The following SUGCT variants were observed in gnomAD, a reference collection of about 807,000 sequenced individuals.
The protein encoded by SUGCT is succinyl-CoA:glutarate-CoA transferase.
A neutral mutation model predicts 55.0 loss-of-function variants in SUGCT; 41 were observed. The ratio of observed to expected loss-of-function variants is 0.74; its 90% CI spans 0.58 to 0.97. The LOEUF is 0.97. SUGCT is among the 50% of genes least tolerant of loss of function. SUGCT has a pLI of 0.00. For synonymous variants in SUGCT, 187 were observed against 200.4 expected, an observed-to-expected ratio of 0.93 and a Z score of 0.56; for missense variants, 568 against 547.8, an observed-to-expected ratio of 1.04 and a Z score of -0.37.
the SUGCT span, among the ~76,000 whole-genome samples, chr7:40,993,137 T>A: frequency 6.6e-6 from 1 of 152,178 alleles, no homozygotes; most frequent in Non-Finnish European, 1.5e-5. Context: ...CCCTGCCTCC[T>A]GGTCATATGG....
At chr7:40,291,971 C>G (rs967315320) in intron 8 of SUGCT, among the ~76,000 whole-genome samples, 1 of 152,088 alleles carries the variant, frequency 6.6e-6, no homozygotes, top group African/African-American at 2.4e-5. Context: ...TTGACATTAG[C>G]CCATGCGGAG....
At chr7:40,296,691 C>G (rs1326864082) in intron 8 of SUGCT, among the ~76,000 whole-genome samples, 1 of 150,820 alleles carries the variant, frequency 6.6e-6, no homozygotes, top group Non-Finnish European at 1.5e-5. Context: ...TAACTTCTCT[C>G]TCCATTTGGT....
rs543696697 is a variant in SUGCT at position 40,517,898 on chromosome 7, G to C, written c.1089+21512G>C. On this transcript the variant is annotated intron_variant, in intron 12 of 13. Coordinates refer to ENST00000335693, the MANE Select transcript of SUGCT (RefSeq NM_001193313.2). ...TGTATGAAAGAAGCCAGCCACAAAA[G>C]GATGCATATTATATAATTCCAATTA... Among the ~76,000 whole-genome samples, 30 of 152,156 alleles carry C rather than the reference G, an allele frequency of 2.0e-4. 1 individual carries two copies. In the South Asian group the frequency reaches 5.8e-3, roughly 29 times the overall value.
At chr7:40,893,781 C>T in the SUGCT span, among the ~76,000 whole-genome samples, 1 of 152,146 alleles carries the variant, frequency 6.6e-6, no homozygotes, top group Non-Finnish European at 1.5e-5. Flanking sequence ...CTACAAGAGG[C>T]TGGGCATGGT....
At chr7:41,000,472 CCTAA>C in the SUGCT span, among the ~76,000 whole-genome samples, 1 of 150,792 alleles carries the variant, frequency 6.6e-6, no homozygotes, top group Non-Finnish European at 1.5e-5. Flanking sequence ...TTAGACTCTG[CCTAA>C]CTTAGTTGTT....
intron 11 of SUGCT, among the ~76,000 whole-genome samples, chr7:40,460,563 A>G (rs986180180): frequency 2.6e-5 from 4 of 152,242 alleles, no homozygotes; most frequent in African/African-American, 9.6e-5. Context: ...GAACCTTATC[A>G]GAAGCTCTTT....
intron 9 of SUGCT, among the ~76,000 whole-genome samples, chr7:40,341,191 T>G (rs1413407079): frequency 1.3e-5 from 2 of 152,172 alleles, no homozygotes; most frequent in Non-Finnish European, 2.9e-5. Context: ...ATTAGTAAAC[T>G]CCAGAAATTG....
chr7:40,721,769 T>A (rs1786349507), intron 12 of SUGCT, among the ~76,000 whole-genome samples: 1 of 152,226 alleles, frequency 6.6e-6, no homozygotes, highest in Non-Finnish European at 1.5e-5. Flanking sequence ...TAGTTTGCAG[T>A]TGCTACAGTG....
intron 9 of SUGCT, among the ~76,000 whole-genome samples, chr7:40,350,521 G>T (rs1157570399): frequency 6.6e-6 from 1 of 150,546 alleles, no homozygotes; most frequent in Non-Finnish European, 1.5e-5. Context: ...AGTAGAGTCA[G>T]GGTTTCACCA....
intron 1 of SUGCT, among the ~76,000 whole-genome samples, chr7:40,171,862 T>A (rs1188955832): frequency 6.6e-6 from 1 of 152,192 alleles, no homozygotes; most frequent in Non-Finnish European, 1.5e-5. Context: ...TGTTATAGAG[T>A]CACGGAGAAG....
chr7:40,445,434 C>A (rs1056156221), intron 9 of SUGCT, among the ~76,000 whole-genome samples: 1 of 152,042 alleles, frequency 6.6e-6, no homozygotes, highest in South Asian at 2.1e-4. Context: ...TACACCCTCC[C>A]AAGACTAAAC....
chr7:40,924,858 T>C, the SUGCT span, among the ~76,000 whole-genome samples: 1 of 152,226 alleles, frequency 6.6e-6, no homozygotes, highest in Non-Finnish European at 1.5e-5. Context: ...ACTTTCTTCA[T>C]TCACAGATTG....
intron 6 of SUGCT, among the ~76,000 whole-genome samples, chr7:40,232,069 C>T (rs573078225): frequency 1.4e-4 from 21 of 152,304 alleles, no homozygotes; most frequent in Non-Finnish European, 2.5e-4. Flanking sequence ...CCACTACCCT[C>T]CAGCCTGGGT....
intron 7 of SUGCT, among the ~76,000 whole-genome samples, chr7:40,239,179 C>T (rs566664723): frequency 6.6e-6 from 1 of 152,176 alleles, no homozygotes; most frequent in Admixed American, 6.5e-5. Context: ...CTCCTGGGCT[C>T]AATAGATTCT....
chr7:40,754,048 A>C (rs1584389024), intron 13 of SUGCT, among the ~76,000 whole-genome samples: 1 of 152,210 alleles, frequency 6.6e-6, no homozygotes, highest in African/African-American at 2.4e-5. Context: ...TTTACAGATG[A>C]TCTGGTTAAA....
At chr7:40,382,162 C>T (rs1372341221) in intron 9 of SUGCT, among the ~76,000 whole-genome samples, 1 of 151,964 alleles carries the variant, frequency 6.6e-6, no homozygotes, top group Admixed American at 6.6e-5. Context: ...TTTCATATGT[C>T]CCTGTGTAGC....
At chr7:40,822,581 G>A (rs1279732822) in intron 13 of SUGCT, among the ~76,000 whole-genome samples, 3 of 151,864 alleles carry the variant, frequency 2.0e-5, no homozygotes, top group Non-Finnish European at 4.4e-5. Context: ...TGTCTTTTAA[G>A]ATAGAAGATA....
At chr7:40,784,876 A>T (rs1789938815) in intron 13 of SUGCT, among the ~76,000 whole-genome samples, 1 of 152,148 alleles carries the variant, frequency 6.6e-6, no homozygotes. Flanking sequence ...CTACTGTCTA[A>T]AATTAATAAT....
intron 9 of SUGCT, among the ~76,000 whole-genome samples, chr7:40,415,316 C>T (rs953355303): frequency 8.0e-5 from 12 of 149,314 alleles, no homozygotes; most frequent in Admixed American, 6.7e-4. Flanking sequence ...AAAAAAAATG[C>T]ATAGCAATGC....
Sources: gnomAD v4.1 joint callset for allele counts (sites outside exome capture counted in the v4.1 genomes callset) on GRCh38, gnomAD v4.1.1 for gene constraint, MANE v1.5 for transcripts, NCBI Gene and HGNC (gene_info 2026-07-23, HGNC 2026-07-21) for gene names.